The following INPP5D variants were observed in gnomAD, a reference collection of about 807,000 sequenced individuals.
INPP5D encodes the protein inositol polyphosphate-5-phosphatase D.
INPP5D carries 33 observed loss-of-function variants against 122.9 expected under a neutral mutation model. The ratio of observed to expected loss-of-function variants is 0.27; its 90% confidence interval spans 0.20 to 0.36. INPP5D has a LOEUF of 0.36. Ranked by LOEUF, INPP5D falls within the 10% of genes least tolerant of loss-of-function variation. The pLI is 1.00. For synonymous variants in INPP5D, 584 were observed against 576.2 expected, an observed-to-expected ratio of 1.01 and a Z score of -0.19; for missense variants, 1,053 against 1,412.7, an observed-to-expected ratio of 0.75 and a Z score of 4.08.
chr2:233,177,721 C>T lies in INPP5D; in HGVS notation c.2071+375C>T, dbSNP rs937143089. Among the ~76,000 whole-genome samples, 2 of 152,152 alleles carry T rather than the reference C, an allele frequency of 1.3e-5. No individual in the cohort carries two copies. The highest frequency in any genetic ancestry group is 2.9e-5 in the Non-Finnish European group (2 of 68,024). ...CCCCAAGCAGCTGGGATTACAGGCT[C>T]CTGCCACCATGCCTGGCTAATTTTT... On this transcript the variant is annotated intron_variant, in intron 18 of 26. Transcript: ENST00000445964. This position sits in a 1 kb window ranked among gnomAD's most constrained non-coding sequence, Gnocchi z 4.2.
intron 9 of INPP5D, 136 bp from the exon 10 acceptor site, chr2:233,158,177 G>T: frequency 1.7e-6 from 1 of 593,232 alleles, no homozygotes; most frequent in Non-Finnish European, 3.0e-6. Flanking sequence ...AGCAGAGGGA[G>T]CTGGGAGACC....
chr2:233,135,860 A>G (rs1290610736), intron 5 of INPP5D, among the ~76,000 whole-genome samples: 1 of 152,194 alleles, frequency 6.6e-6, no homozygotes, highest in East Asian at 1.9e-4. Context: ...GATCTTAAAA[A>G]CAAGAAGCCT....
chr2:233,180,373 A>C (rs1203597086), intron 18 of INPP5D, among the ~76,000 whole-genome samples: 1 of 151,132 alleles, frequency 6.6e-6, no homozygotes, highest in Non-Finnish European at 1.5e-5. Context: ...AAAAAAAAAA[A>C]CCCTGCTCGT....
intron 9 of INPP5D, among the ~76,000 whole-genome samples, chr2:233,153,107 T>C (rs1258252496): frequency 7.9e-5 from 12 of 152,344 alleles, no homozygotes; most frequent in African/African-American, 2.6e-4. Flanking sequence ...ACGGAACTTC[T>C]AGTGTTATTT....
At chr2:233,132,712 C>A (rs543527520) in intron 5 of INPP5D, among the ~76,000 whole-genome samples, 1 of 152,268 alleles carries the variant, frequency 6.6e-6, no homozygotes, top group South Asian at 2.1e-4. Context: ...AATAGGTCTT[C>A]ATTCATTCGT....
chr2:233,198,372 T>C lies in INPP5D; in HGVS notation c.2971T>C (p.Ser991Pro). 6.2e-7 allele frequency: 1 copy of C among 1,608,302 alleles called. No homozygotes were observed. The highest frequency in any genetic ancestry group is 1.1e-5 in the South Asian group (1 of 90,986). ...NRGLPPRTQE[S>P]RPSDLGKNAG... ...GGGTCTCCCTCCCAGGACACAGGAGTCAAGGTGAGCATCCTCTTCATTAAG... is the reference window on the plus strand; with the variant it reads ...GGGTCTCCCTCCCAGGACACAGGAGCCAAGGTGAGCATCCTCTTCATTAAG... The change falls in exon 25 of 27, where the codon TCA becomes CCA. Residue 991 changes from serine (S) to proline (P), a missense_variant. Transcript: ENST00000445964.
rs1049230309 is a variant in INPP5D, at chr2:233,146,204, A to G, written c.796A>G (p.Ser266Gly). 2.0e-5 allele frequency: 14 copies of G among 704,144 alleles called. No homozygotes were observed. In the African/African-American group the frequency reaches 2.1e-4, roughly 11 times the overall value. 43.6% of individuals were successfully genotyped at this position (704,144 alleles called of 1,614,324 possible). A position where few individuals can be genotyped will look rare whatever the true frequency, so the allele number is the denominator to read the frequency against. ...TCCCATCAACATGGTGTCCAAGCTCAGCCAACTGACAAGCCTGTTGTCGTC... is the reference window on the plus strand; with the variant it reads ...TCCCATCAACATGGTGTCCAAGCTCGGCCAACTGACAAGCCTGTTGTCGTC... Reference protein sequence around the residue: ...ANPINMVSKLSQLTSLLSSIE... With the variant: ...ANPINMVSKLGQLTSLLSSIE... Residue 266 changes from serine (S) to glycine (G), a missense_variant, in exon 7 of 27, where the codon AGC (serine) becomes GGC (glycine). Physicochemically the swap from Ser to Gly is moderately conservative, Grantham distance 56 (BLOSUM62 0). Around this residue, in one of 6 missense-constraint regions of INPP5D, gnomAD observed 196 missense variants for 175.6 expected, o/e 1.12. Transcript: ENST00000445964.
At position 233,205,058 on chromosome 2, in the gene INPP5D, T is replaced by C. The variant is rs1333682868; in HGVS notation, c.3567+341T>C. The stretch of plus-strand genomic sequence containing the variant: ...GAAGATTCCATAAAGAAAAGGAGCC[T>C]AAATCATTTATATCTCATTGTTATT... On this transcript the variant is annotated intron_variant, in intron 26 of 26. Transcript: ENST00000445964. 9 of 279,768 alleles carry C rather than the reference T, an allele frequency of 3.2e-5. No homozygotes were observed. In the East Asian group the frequency reaches 6.2e-4, roughly 19 times the overall value. 17.3% of individuals were successfully genotyped at this position (279,768 alleles called of 1,614,324 possible). A position where few individuals can be genotyped will look rare whatever the true frequency, so the allele number is the denominator to read the frequency against.
intron 2 of INPP5D, among the ~76,000 whole-genome samples, chr2:233,090,755 C>T (rs1455226474): frequency 1.3e-4 from 20 of 152,030 alleles, no homozygotes; most frequent in African/African-American, 2.9e-4. Context: ...GTCAGGAGTT[C>T]GAGACCAGCC....
At chr2:233,148,112 C>G (rs1199582534) in intron 9 of INPP5D, among the ~76,000 whole-genome samples, 1 of 152,274 alleles carries the variant, frequency 6.6e-6, no homozygotes, top group African/African-American at 2.4e-5. Context: ...CAAATCAACT[C>G]ATCCATAAAA....
intron 21 of INPP5D, among the ~76,000 whole-genome samples, chr2:233,186,759 G>T: frequency 9.9e-6 from 1 of 100,542 alleles, no homozygotes. Flanking sequence ...GTCTTGCTCT[G>T]TTGCCCAGGC....
Position 233,070,558 on chromosome 2 carries a change from C to CA in INPP5D, c.135-8776dup, listed in dbSNP as rs1361318521. Among the ~76,000 whole-genome samples the CA allele has an allele frequency of 2.6e-5, 4 of 152,088 alleles. No homozygotes were observed. The East Asian group carries it at 7.8e-4, about 29-fold the overall frequency. On this transcript the variant is annotated intron_variant, in intron 1 of 26. Coordinates refer to ENST00000445964, the MANE Select transcript of INPP5D (RefSeq NM_001017915.3). ...CCCAGTTCAAGTGATTCTTCTGCCT[C>CA]AGTCTCCCGAGTAGCTGGGATTACA...
At chr2:233,195,352 C>T in intron 23 of INPP5D, 47 bp from the exon 24 acceptor site, 1 of 1,613,122 alleles carries the variant, frequency 6.2e-7, no homozygotes, top group Non-Finnish European at 8.5e-7. Flanking sequence ...CGCCTAAGCT[C>T]TGGAAGCTGG....
At position 233,087,829 on chromosome 2, in the gene INPP5D, TC is replaced by T. The variant is rs565389171; in HGVS notation, c.198+8433del. Among the ~76,000 whole-genome samples the T allele has an allele frequency of 3.9e-5, 6 of 152,270 alleles. No individual in the cohort carries two copies. In the South Asian group the frequency reaches 1.2e-3, roughly 32 times the overall value. ...GCTGTAGTCATCAATCTTAAATTTG[TC>T]CTCCACAGGATCCGCCGTTATCTAT... On this transcript the variant is annotated intron_variant, in intron 2 of 26. Coordinates refer to ENST00000445964, the MANE Select transcript of INPP5D (RefSeq NM_001017915.3).
At chr2:233,142,439 G>A (rs1210634623) in intron 6 of INPP5D, among the ~76,000 whole-genome samples, 2 of 152,182 alleles carry the variant, frequency 1.3e-5, no homozygotes, top group African/African-American at 4.8e-5. Context: ...TATCTCTGCA[G>A]GGTTTGGTTA....
At chr2:233,194,338 A>C (rs1695128063) in intron 23 of INPP5D, among the ~76,000 whole-genome samples, 1 of 152,140 alleles carries the variant, frequency 6.6e-6, no homozygotes, top group Non-Finnish European at 1.5e-5. Context: ...GGCCACAGCT[A>C]CAGCTGCAGA....
Position 233,082,093 on chromosome 2 carries a change from C to G in INPP5D, c.198+2695C>G, listed in dbSNP as rs980379342. ...TGCTGGACTTCTCTGCTCCTGACCC[C>G]GGCACTAGATCTGTGACCTCCGCAG... On this transcript the variant is annotated intron_variant, in intron 2 of 26. Transcript: ENST00000445964. This position sits in a 1 kb window ranked among gnomAD's most constrained non-coding sequence, Gnocchi z 4.7. Among the ~76,000 whole-genome samples the G allele has an allele frequency of 6.6e-6, 1 of 152,066 alleles. No homozygotes were observed. Among genetic ancestry groups the G allele is most frequent in the East Asian group, 1.9e-4 (1 of 5,196 alleles).
At chr2:233,061,339 G>T (rs764008228) in intron 1 of INPP5D, among the ~76,000 whole-genome samples, 1 of 151,854 alleles carries the variant, frequency 6.6e-6, no homozygotes, top group Non-Finnish European at 1.5e-5. Context: ...CTTGCTGAAG[G>T]TTCCTTTCTA....
chr2:233,125,313 C>T (rs1693124734), intron 3 of INPP5D, among the ~76,000 whole-genome samples: 1 of 152,246 alleles, frequency 6.6e-6, no homozygotes, highest in South Asian at 2.1e-4. Context: ...TGTCTCCTTA[C>T]CCCTGGTCCC....
Sources: allele counts gnomAD v4.1 joint callset (sites outside exome capture counted in the v4.1 genomes callset), GRCh38; gene constraint gnomAD v4.1.1; regional missense constraint gnomAD v4.1.1; non-coding constraint Gnocchi (gnomAD v3.1); transcripts MANE v1.5; gene names NCBI Gene and HGNC (gene_info 2026-07-23, HGNC 2026-07-21).